The following GLTP variants were observed in gnomAD, a reference collection of about 807,000 sequenced individuals.
GLTP encodes the protein glycolipid transfer protein.
A neutral mutation model predicts 24.0 loss-of-function variants in GLTP; 22 were observed. The observed-to-expected ratio is 0.92, with a 90% CI of 0.65 to 1.31. The LOEUF is 1.31. Ranked by LOEUF, GLTP falls within the 50% of genes most tolerant of loss-of-function variation. The probability of loss-of-function intolerance (pLI) is 0.00; values close to 1 mark genes in which losing one functional copy is unlikely to be tolerated. For synonymous variants in GLTP, 92 were observed against 115.9 expected (o/e 0.79, Z 1.33); for missense variants, 224 against 276.6 (o/e 0.81, Z 1.35).
intron 1 of GLTP, among the ~76,000 whole-genome samples, chr12:109,879,202 C>T (rs1186841046): frequency 6.6e-6 from 1 of 152,206 alleles, no homozygotes; most frequent in Non-Finnish European, 1.5e-5. Context: ...CTTAAGATCT[C>T]CTGTCTTTGG....
At chr12:109,859,875 A>G (rs889253670) in intron 1 of GLTP, 4 of 152,380 alleles carry the variant, frequency 2.6e-5, no homozygotes, top group Admixed American at 6.5e-5. Flanking sequence ...AGTCCTTTTA[A>G]GAAGTGTGCA....
At position 109,872,502 on chromosome 12, in the gene GLTP, G is replaced by A. The variant is rs1310813963; in HGVS notation, c.103+7770C>T. ...TCCCCTCTGAGCCTCAAAAACAGCC[G>A]ACTCATGGGCTGTTACACACATGGA... On this transcript the variant is annotated intron_variant, in intron 1 of 4. Coordinates refer to ENST00000318348, the MANE Select transcript of GLTP (RefSeq NM_016433.4). 7.2e-5 allele frequency among the ~76,000 whole-genome samples: 11 copies of A among 152,232 alleles called. No individual in the cohort carries two copies. In the East Asian group the frequency reaches 7.7e-4, roughly 11 times the overall value.
Position 109,857,379 on chromosome 12 carries a change from A to C in GLTP, c.296+147T>G. Reference sequence around the variant, plus strand: ...TGTCAGGCAAGCCCTGGCCATTGGGAGGCCTTTTCCCAGCCATTAACTAGC... The same window carrying C: ...TGTCAGGCAAGCCCTGGCCATTGGGCGGCCTTTTCCCAGCCATTAACTAGC... On this transcript the variant is annotated intron_variant, in intron 3 of 4. Transcript: ENST00000318348. The surrounding 1 kb of genome is among the most constrained non-coding windows in gnomAD (Gnocchi z 4.3). 1 of 829,802 alleles carries C rather than the reference A, an allele frequency of 1.2e-6. No individual in the cohort carries two copies. The highest frequency in any genetic ancestry group is 1.9e-6 in the Non-Finnish European group (1 of 527,152). 51.4% of individuals were successfully genotyped at this position (829,802 alleles called of 1,614,324 possible). A position where few individuals can be genotyped will look rare whatever the true frequency, so the allele number is the denominator to read the frequency against.
At chr12:109,869,320 A>G (rs868398359) in intron 1 of GLTP, among the ~76,000 whole-genome samples, 4 of 128,464 alleles carry the variant, frequency 3.1e-5, no homozygotes, top group African/African-American at 6.1e-5. Flanking sequence ...AAAAAAAAAA[A>G]GAAAGAAAGA....
At position 109,852,409 on chromosome 12, in the gene GLTP, C is replaced by A; in HGVS notation, c.*146G>T. 8.1e-6 allele frequency: 4 copies of A among 492,824 alleles called. No homozygotes were observed. Among genetic ancestry groups the A allele is most frequent in the South Asian group, 2.9e-5 (1 of 34,768 alleles). 30.5% of individuals were successfully genotyped at this position (492,824 alleles called of 1,614,324 possible). ...AAAAAAAAGACTTAAAAAACGAGGG[C>A]TGTCCCCTGCAGACTCTGGCAGGAC... On this transcript the variant is annotated 3_prime_UTR_variant, in exon 5 of 5. Transcript: ENST00000318348.
intron 1 of GLTP, among the ~76,000 whole-genome samples, chr12:109,862,821 G>A (rs1715027244): frequency 6.6e-6 from 1 of 152,128 alleles, no homozygotes; most frequent in Non-Finnish European, 1.5e-5. Context: ...GAAGGCCGAG[G>A]CGGGTGGATC....
chr12:109,872,162 G>A (rs548206054), intron 1 of GLTP, among the ~76,000 whole-genome samples: 3 of 152,236 alleles, frequency 2.0e-5, no homozygotes, highest in Non-Finnish European at 4.4e-5. Flanking sequence ...TGGAGCAATT[G>A]TCAGACTTAA....
intron 4 of GLTP, among the ~76,000 whole-genome samples, chr12:109,853,220 C>T (rs925490164): frequency 2.6e-5 from 4 of 152,262 alleles, no homozygotes; most frequent in East Asian, 1.9e-4. Flanking sequence ...ACTGCTCCTT[C>T]GGAAAACCCA....
At chr12:109,861,446 G>A (rs1294891882) in intron 1 of GLTP, among the ~76,000 whole-genome samples, 1 of 152,114 alleles carries the variant, frequency 6.6e-6, no homozygotes, top group Non-Finnish European at 1.5e-5. Context: ...GCTTCTTTAA[G>A]AAATTAAAAA....
At chr12:109,861,839 A>G (rs968717250) in intron 1 of GLTP, among the ~76,000 whole-genome samples, 1 of 152,208 alleles carries the variant, frequency 6.6e-6, no homozygotes, top group East Asian at 1.9e-4. Context: ...ATGACCTCAT[A>G]TCATTACTAG....
chr12:109,867,979 G>T (rs7971128), intron 1 of GLTP, among the ~76,000 whole-genome samples: 2,292 of 137,354 alleles, frequency 0.017, no homozygotes, highest in South Asian at 0.035. Flanking sequence ...GGGTTTCACC[G>T]TGTTAGCCAG....
chr12:109,863,828 T>A (rs1161808509), intron 1 of GLTP, among the ~76,000 whole-genome samples: 1 of 152,148 alleles, frequency 6.6e-6, no homozygotes, highest in Non-Finnish European at 1.5e-5. Flanking sequence ...GAAGAAGAGA[T>A]GACGGCAGGG....
At chr12:109,878,357 T>C (rs1196980746) in intron 1 of GLTP, among the ~76,000 whole-genome samples, 1 of 152,218 alleles carries the variant, frequency 6.6e-6, no homozygotes, top group Admixed American at 6.5e-5. Context: ...TTCTTTGTTG[T>C]GGCAGGACTG....
intron 1 of GLTP, among the ~76,000 whole-genome samples, chr12:109,862,542 A>G (rs1228897459): frequency 1.3e-5 from 2 of 152,182 alleles, no homozygotes; most frequent in Non-Finnish European, 2.9e-5. Context: ...ATGCAGACGT[A>G]TGGCTGTTCC....
chr12:109,880,250 TC>T lies in GLTP; in HGVS notation c.103+21del. 26 of 1,449,056 alleles carry T rather than the reference TC, an allele frequency of 1.8e-5. No homozygotes were observed. Among genetic ancestry groups the T allele is most frequent in the African/African-American group, 2.8e-5 (2 of 71,144 alleles). 89.8% of individuals were successfully genotyped at this position (1,449,056 alleles called of 1,614,324 possible). A position where few individuals can be genotyped will look rare whatever the true frequency, so the allele number is the denominator to read the frequency against. On this transcript the variant is annotated intron_variant, in intron 1 of 4. Transcript: ENST00000318348. This position sits in a 1 kb window ranked among gnomAD's most constrained non-coding sequence, Gnocchi z 5.1. ...GGTGCGCGTGGGGCTGCGGGCCGCC[TC>T]CCCCCTCCATTCCGGCTCACCGAAG...
intron 1 of GLTP, among the ~76,000 whole-genome samples, chr12:109,873,190 A>T (rs186335292): frequency 2.0e-5 from 3 of 148,144 alleles, no homozygotes; most frequent in East Asian, 3.9e-4. Flanking sequence ...TTTAAATTTA[A>T]AAAAAAAAAA....
intron 1 of GLTP, among the ~76,000 whole-genome samples, chr12:109,878,980 T>TA (rs1565901690): frequency 1.3e-5 from 2 of 152,172 alleles, no homozygotes; most frequent in South Asian, 2.1e-4. Flanking sequence ...ATTTGGCACT[T>TA]ACGGCCTCGG....
chr12:109,851,890 C>G lies in GLTP; in HGVS notation c.*665G>C, dbSNP rs560854475. 1.3e-5 allele frequency: 2 copies of G among 151,166 alleles called. No homozygotes were observed. Among genetic ancestry groups the G allele is most frequent in the Non-Finnish European group, 2.9e-5 (2 of 68,128 alleles). The allele number at this position is 151,166 out of a possible 1,614,324, so 9.4% of individuals were successfully genotyped here. ...GAGACAGAGTTTCGCTCTTGTTGCC[C>G]AGGCTGGAGTGCAATGGTGCGATCT... On this transcript the variant is annotated 3_prime_UTR_variant, in exon 5 of 5. Transcript: ENST00000318348.
chr12:109,872,259 T>C (rs992433407), intron 1 of GLTP, among the ~76,000 whole-genome samples: 1 of 152,198 alleles, frequency 6.6e-6, no homozygotes, highest in Non-Finnish European at 1.5e-5. Flanking sequence ...TCACCACATC[T>C]TTCCAAAGGT....
Sources: allele counts gnomAD v4.1 joint callset (sites outside exome capture counted in the v4.1 genomes callset), GRCh38; gene constraint gnomAD v4.1.1; non-coding constraint Gnocchi (gnomAD v3.1); transcripts MANE v1.5; gene names NCBI Gene and HGNC (gene_info 2026-07-23, HGNC 2026-07-21).